ANOS1: variants seen among roughly 807,000 people sequenced by gnomAD.
ANOS1 encodes anosmin-1.
In ANOS1, 6 loss-of-function variants were observed where a neutral mutation model predicts 59.0. That is an observed-to-expected ratio of 0.10 (90% confidence interval 0.06 to 0.20). The LOEUF is 0.20. Among genes scored for constraint, ANOS1 ranks in the 10% least tolerant of loss-of-function variants. ANOS1 has a pLI of 1.00. For missense variants in ANOS1, 433 were observed against 542.3 expected (o/e 0.80, Z 2.00); for synonymous variants, 217 against 223.4 (o/e 0.97, Z 0.25).
chrX:8,730,580 A>ACCCCCCCCCCCCCCC (rs61212461), intron 1 of ANOS1, among the ~76,000 whole-genome samples: 34 of 79,351 alleles, frequency 4.3e-4, no homozygotes, highest in Non-Finnish European at 5.9e-4. Flanking sequence ...CTCTAGGGGG[A>ACCCCCCCCCCCCCCC]CCCCCCCCCC....
At chrX:8,663,455 A>C (rs1485531248) in intron 2 of ANOS1, among the ~76,000 whole-genome samples, 1 of 111,708 alleles carries the variant, frequency 9.0e-6, no homozygotes, top group Non-Finnish European at 1.9e-5. Context: ...CGAGGAGTTA[A>C]AGAAACCAAT....
intron 2 of ANOS1, among the ~76,000 whole-genome samples, chrX:8,651,026 C>T (rs1484961921): frequency 8.8e-6 from 1 of 113,040 alleles, no homozygotes; most frequent in Non-Finnish European, 1.9e-5. Context: ...TGCACTGACA[C>T]CTGAAAGAAA....
intron 2 of ANOS1, among the ~76,000 whole-genome samples, chrX:8,640,075 T>C (rs1447136502): frequency 2.7e-5 from 3 of 110,965 alleles, no homozygotes; most frequent in African/African-American, 9.8e-5. Flanking sequence ...TGTTACTTTG[T>C]GTTTTTTCTC....
At chrX:8,630,214 G>A (rs1931464935) in intron 2 of ANOS1, among the ~76,000 whole-genome samples, 1 of 111,992 alleles carries the variant, frequency 8.9e-6, no homozygotes, top group Admixed American at 9.5e-5. Context: ...CAGATCACTT[G>A]AGGTCAAGAG....
intron 3 of ANOS1, among the ~76,000 whole-genome samples, chrX:8,623,030 T>TGATG (rs34949507): frequency 0.065 from 6,604 of 102,296 alleles, 311 homozygotes; most frequent in African/African-American, 0.15. Context: ...GATGGATGGA[T>TGATG]GATGGATGGA....
chrX:8,540,123 T>C (rs951754644), intron 9 of ANOS1, among the ~76,000 whole-genome samples: 20 of 110,917 alleles, frequency 1.8e-4, no homozygotes, highest in African/African-American at 5.6e-4. Flanking sequence ...AGCCCTACAA[T>C]GAAAGGCAAC....
At chrX:8,570,786 G>A (rs757860421) in intron 6 of ANOS1, 82 bp from the exon 7 acceptor site, 6 of 897,098 alleles carry the variant, frequency 6.7e-6, no homozygotes, top group African/African-American at 5.9e-5. Context: ...TGGTCAACAC[G>A]TGAAGCATTG....
At chrX:8,663,980 A>G (rs1419898024) in intron 2 of ANOS1, among the ~76,000 whole-genome samples, 1 of 111,001 alleles carries the variant, frequency 9.0e-6, no homozygotes, top group Non-Finnish European at 1.9e-5. Context: ...GTTCTCACTT[A>G]TAAGTGAGAG....
At chrX:8,656,780 G>A (rs751445579) in intron 2 of ANOS1, among the ~76,000 whole-genome samples, 49 of 110,877 alleles carry the variant, frequency 4.4e-4, no homozygotes, top group African/African-American at 1.2e-3. Flanking sequence ...GGCTCTTGGC[G>A]TTCACCCTCA....
At chrX:8,587,670 A>T (rs940931844) in intron 5 of ANOS1, 124 bp downstream of exon 5, 4 of 530,045 alleles carry the variant, frequency 7.5e-6, no homozygotes, top group Non-Finnish European at 1.3e-5. Flanking sequence ...TGTTCATTTC[A>T]TATCTGAGTA....
At chrX:8,682,847 G>C (rs1002617485) in intron 2 of ANOS1, among the ~76,000 whole-genome samples, 1 of 111,709 alleles carries the variant, frequency 9.0e-6, no homozygotes, top group Non-Finnish European at 1.9e-5. Flanking sequence ...TGGAAAGTTA[G>C]ATGGAGACTC....
chrX:8,613,061 A>T (rs1169281726), intron 3 of ANOS1, among the ~76,000 whole-genome samples: 22 of 112,579 alleles, frequency 2.0e-4, no homozygotes, highest in African/African-American at 6.1e-4. Context: ...GAGAAGGCTA[A>T]ACTTTATTCC....
intron 2 of ANOS1, among the ~76,000 whole-genome samples, chrX:8,649,800 C>T (rs1931821176): frequency 8.9e-6 from 1 of 112,019 alleles, no homozygotes; most frequent in African/African-American, 3.2e-5. Flanking sequence ...GGTGCAACAG[C>T]CTGCTGAGCC....
chrX:8,572,011 T>C (rs974515448), intron 6 of ANOS1, among the ~76,000 whole-genome samples: 4 of 112,462 alleles, frequency 3.6e-5, no homozygotes, highest in Non-Finnish European at 7.5e-5. Flanking sequence ...TGATATATCA[T>C]GTCTGGACAT....
At chrX:8,556,987 C>T (rs182076979) in intron 8 of ANOS1, among the ~76,000 whole-genome samples, 80 of 111,469 alleles carry the variant, frequency 7.2e-4, no homozygotes, top group African/African-American at 2.3e-3. Flanking sequence ...GATATATAGA[C>T]CAATGGAACA....
intron 1 of ANOS1, among the ~76,000 whole-genome samples, chrX:8,726,463 C>T (rs1384983061): frequency 8.9e-6 from 1 of 112,032 alleles, no homozygotes; most frequent in Non-Finnish European, 1.9e-5. Context: ...AGGATCCCAT[C>T]CACTTTCTCC....
At chrX:8,704,538 T>A (rs999303369) in intron 1 of ANOS1, among the ~76,000 whole-genome samples, 4 of 112,481 alleles carry the variant, frequency 3.6e-5, no homozygotes, top group Non-Finnish European at 7.5e-5. Flanking sequence ...GGAATTAATA[T>A]CAATACATTG....
chrX:8,693,690 C>T (rs1359712507), intron 2 of ANOS1, among the ~76,000 whole-genome samples: 2 of 109,141 alleles, frequency 1.8e-5, no homozygotes, highest in Non-Finnish European at 1.9e-5. Context: ...TGGTTATGTC[C>T]CCATTGGTAC....
At chrX:8,689,786 A>AG (rs1438349395) in intron 2 of ANOS1, among the ~76,000 whole-genome samples, 56 of 109,574 alleles carry the variant, frequency 5.1e-4, no homozygotes, top group Non-Finnish European at 9.1e-4. Context: ...AAAAAAAAAA[A>AG]AGAGAGAGAG....
Sources: gnomAD v4.1 joint callset for allele counts (sites outside exome capture counted in the v4.1 genomes callset) on GRCh38, gnomAD v4.1.1 for gene constraint, MANE v1.5 for transcripts, NCBI Gene and HGNC (gene_info 2026-07-23, HGNC 2026-07-21) for gene names.